Variants in KCND2 observed in about 807,000 individuals in gnomAD.
The protein encoded by KCND2 is A-type voltage-gated potassium channel KCND2.
Under a neutral mutation model 54.4 loss-of-function variants are expected in KCND2, and 16 were observed. The observed-to-expected ratio is 0.29, with a 90% confidence interval of 0.20 to 0.45. The LOEUF (loss-of-function observed/expected upper bound fraction) is 0.45, where lower values mean the gene tolerates loss of function less well. KCND2 is among the 20% of genes least tolerant of loss of function. The probability of loss-of-function intolerance (pLI) is 1.00; values close to 1 mark genes in which losing one functional copy is unlikely to be tolerated. For synonymous variants in KCND2, 317 were observed against 310.7 expected (o/e 1.02, Z -0.21); for missense variants, 486 against 824.2 (o/e 0.59, Z 5.02).
chr7:120,738,342 C>T (rs2048489235), intron 2 of KCND2, among the ~76,000 whole-genome samples: 1 of 151,904 alleles, frequency 6.6e-6, no homozygotes, highest in Non-Finnish European at 1.5e-5. Flanking sequence ...TTTTACTTAC[C>T]ACACTTACGA....
chr7:120,611,418 G>A (rs1018771263), intron 1 of KCND2, among the ~76,000 whole-genome samples: 4 of 152,184 alleles, frequency 2.6e-5, no homozygotes, highest in Non-Finnish European at 5.9e-5. Flanking sequence ...GGAGATATGT[G>A]ATTTGGTGCC....
intron 1 of KCND2, among the ~76,000 whole-genome samples, chr7:120,448,912 T>C (rs1802058898): frequency 6.6e-6 from 1 of 152,230 alleles, no homozygotes; most frequent in Admixed American, 6.5e-5. Context: ...AGCTTAAATA[T>C]AGTGACATTC....
intron 1 of KCND2, among the ~76,000 whole-genome samples, chr7:120,573,468 G>T (rs1792390493): frequency 6.6e-6 from 1 of 152,138 alleles, no homozygotes; most frequent in South Asian, 2.1e-4. Context: ...ATGAGGCCTA[G>T]CCCTGAAACA....
intron 1 of KCND2, among the ~76,000 whole-genome samples, chr7:120,466,092 A>G (rs1453020672): frequency 1.3e-5 from 2 of 152,198 alleles, no homozygotes; most frequent in South Asian, 2.1e-4. Flanking sequence ...TACCCTCTAG[A>G]TGTCAGTTGC....
chr7:120,625,341 T>G (rs1584859141), intron 1 of KCND2, among the ~76,000 whole-genome samples: 2 of 152,194 alleles, frequency 1.3e-5, no homozygotes, highest in Admixed American at 1.3e-4. Flanking sequence ...CATTCCAATT[T>G]TCACAACTCT....
At chr7:120,461,226 G>C (rs1168172864) in intron 1 of KCND2, among the ~76,000 whole-genome samples, 1 of 152,132 alleles carries the variant, frequency 6.6e-6, no homozygotes, top group African/African-American at 2.4e-5. Flanking sequence ...CCTATTGACA[G>C]GATCGCAGAT....
At chr7:120,349,956 A>G (rs926810169) in intron 1 of KCND2, among the ~76,000 whole-genome samples, 2 of 152,050 alleles carry the variant, frequency 1.3e-5, no homozygotes, top group African/African-American at 4.8e-5. Flanking sequence ...GAATTAATTG[A>G]ATTAATTATT....
intron 1 of KCND2, among the ~76,000 whole-genome samples, chr7:120,598,089 A>C (rs1366206083): frequency 2.6e-5 from 4 of 152,000 alleles, no homozygotes; most frequent in African/African-American, 4.8e-5. Context: ...AAAAAAAAAA[A>C]CTAAAGAAAA....
At chr7:120,703,522 C>T (rs915698915) in intron 1 of KCND2, among the ~76,000 whole-genome samples, 5 of 152,160 alleles carry the variant, frequency 3.3e-5, no homozygotes, top group African/African-American at 4.8e-5. Flanking sequence ...TGCCAGTTTC[C>T]CTTTTTTGAA....
chr7:120,635,763 A>G (rs1435987021), intron 1 of KCND2, among the ~76,000 whole-genome samples: 5 of 152,222 alleles, frequency 3.3e-5, no homozygotes, highest in Non-Finnish European at 5.9e-5. Context: ...CAAATTTAAG[A>G]ACTACATGAT....
chr7:120,631,579 T>G (rs1793234614), intron 1 of KCND2, among the ~76,000 whole-genome samples: 1 of 152,104 alleles, frequency 6.6e-6, no homozygotes, highest in Non-Finnish European at 1.5e-5. Flanking sequence ...CTTGATGGAA[T>G]GCTTTCTAAA....
intron 1 of KCND2, among the ~76,000 whole-genome samples, chr7:120,386,890 A>G (rs991834345): frequency 1.3e-5 from 2 of 152,104 alleles, no homozygotes; most frequent in Admixed American, 6.6e-5. Context: ...AAGTATGACA[A>G]TAGTTAAAGG....
chr7:120,688,578 C>T (rs978502548), intron 1 of KCND2, among the ~76,000 whole-genome samples: 1 of 152,154 alleles, frequency 6.6e-6, no homozygotes, highest in African/African-American at 2.4e-5. Flanking sequence ...GTCCTGATCT[C>T]CTTGAAGCTT....
intron 1 of KCND2, among the ~76,000 whole-genome samples, chr7:120,462,304 T>C (rs1314051440): frequency 6.6e-6 from 1 of 151,922 alleles, no homozygotes; most frequent in African/African-American, 2.4e-5. Context: ...ATAGGCAAGG[T>C]TATTAAACTT....
In KCND2 at chr7:120,655,747, G is replaced by A. The variant is rs182046405; in HGVS notation, c.1116-77156G>A. Among the ~76,000 whole-genome samples, 21 of 152,054 alleles carry A rather than the reference G, an allele frequency of 1.4e-4. No individual in the cohort carries two copies. In the East Asian group the frequency reaches 1.5e-3, roughly 11 times the overall value. ...AAAAACAATGAATTAAAACTACTGC[G>A]CTGTACCCTCACCCAAAAATGATTG... On this transcript the variant is annotated intron_variant, in intron 1 of 5. Coordinates refer to ENST00000331113, the MANE Select transcript of KCND2 (RefSeq NM_012281.3).
intron 1 of KCND2, among the ~76,000 whole-genome samples, chr7:120,616,158 G>A (rs1793021121): frequency 1.3e-5 from 2 of 152,138 alleles, no homozygotes; most frequent in Non-Finnish European, 2.9e-5. Flanking sequence ...GATTTCACAG[G>A]CTTAAAATCA....
chr7:120,537,704 G>A (rs1791929363), intron 1 of KCND2, among the ~76,000 whole-genome samples: 1 of 152,140 alleles, frequency 6.6e-6, no homozygotes. Context: ...GTACTTTTAT[G>A]TCATGGAGAT....
rs575003198 is a variant in KCND2 at position 120,726,414 on chromosome 7, C to G, written c.1116-6489C>G. On this transcript the variant is annotated intron_variant, in intron 1 of 5. Coordinates refer to ENST00000331113, the MANE Select transcript of KCND2 (RefSeq NM_012281.3). The stretch of plus-strand genomic sequence containing the variant: ...ACTGTGATCCTTCTAGAATACCAAG[C>G]TGATGGCAGAAAATCCATGAATAAC... 7.3e-4 allele frequency among the ~76,000 whole-genome samples: 111 copies of G among 152,230 alleles called. 3 individuals carry two copies. Among genetic ancestry groups the G allele is most frequent in the African/African-American group, 2.5e-3 (104 of 41,568 alleles).
chr7:120,477,025 G>A (rs994818836), intron 1 of KCND2, among the ~76,000 whole-genome samples: 1 of 152,186 alleles, frequency 6.6e-6, no homozygotes, highest in African/African-American at 2.4e-5. Context: ...CAACACCAGT[G>A]TATTTCTCAC....
Sources: gnomAD v4.1 joint callset for allele counts (sites outside exome capture counted in the v4.1 genomes callset) on GRCh38, gnomAD v4.1.1 for gene constraint, MANE v1.5 for transcripts, NCBI Gene and HGNC (gene_info 2026-07-23, HGNC 2026-07-21) for gene names.